The following MACROD1 variants were observed in gnomAD, a reference collection of about 807,000 sequenced individuals.
MACROD1 encodes mono-ADP ribosylhydrolase 1, also known as ADP-ribose glycohydrolase MACROD1.
In MACROD1, 31 loss-of-function variants were observed where a neutral mutation model predicts 41.4. The observed-to-expected ratio is 0.75, with a 90% CI of 0.56 to 1.01. MACROD1 has a LOEUF of 1.01. Among genes scored for constraint, MACROD1 ranks in the 50% least tolerant of loss-of-function variants. MACROD1 has a pLI of 0.00. For synonymous variants in MACROD1, 252 were observed against 203.4 expected (o/e 1.24, Z -2.03); for missense variants, 473 against 460.0 (o/e 1.03, Z -0.26).
chr11:64,084,425 C>A (rs541139206), intron 3 of MACROD1, among the ~76,000 whole-genome samples: 1 of 152,212 alleles, frequency 6.6e-6, no homozygotes, highest in African/African-American at 2.4e-5. Context: ...CGCGAAGCCC[C>A]CTCCCTGCAC....
At position 63,998,584 on chromosome 11, in the gene MACROD1, C is replaced by G. The variant is rs370973917; in HGVS notation, c.*134G>C. 20 of 1,259,378 alleles carry G rather than the reference C, an allele frequency of 1.6e-5. No individual in the cohort carries two copies. The African/African-American group carries it at 2.5e-4, about 16-fold the overall frequency. The allele number at this position is 1,259,378 out of a possible 1,614,324, so 78.0% of individuals were successfully genotyped here. ...GCCACAACGAGATCTTTATTAGGCT[C>G]CTCGGGGGCGGGGCGCGGAGGGAAA... On this transcript the variant is annotated 3_prime_UTR_variant, in exon 11 of 11. Coordinates refer to ENST00000255681, the MANE Select transcript of MACROD1 (RefSeq NM_014067.4).
intron 1 of MACROD1, among the ~76,000 whole-genome samples, chr11:64,155,016 C>T (rs1488709015): frequency 6.6e-6 from 1 of 152,192 alleles, no homozygotes; most frequent in Admixed American, 6.5e-5. Context: ...ACGGCGCCGG[C>T]CCCCTTTCTT....
intron 1 of MACROD1, among the ~76,000 whole-genome samples, chr11:64,154,144 G>A (rs565265864): frequency 2.0e-5 from 3 of 152,124 alleles, no homozygotes; most frequent in South Asian, 2.1e-4. Context: ...GATTCAAAAC[G>A]CTCTTTAAGC....
intron 3 of MACROD1, among the ~76,000 whole-genome samples, chr11:64,048,607 C>A (rs558565337): frequency 6.6e-6 from 1 of 152,182 alleles, no homozygotes; most frequent in East Asian, 1.9e-4. Context: ...GCAGCCCCAG[C>A]GGAATTCTTA....
At chr11:64,163,535 C>T (rs372212299) in intron 1 of MACROD1, among the ~76,000 whole-genome samples, 2 of 152,252 alleles carry the variant, frequency 1.3e-5, no homozygotes, top group South Asian at 2.1e-4. Context: ...GGGGGAAAAG[C>T]TTAGGACATC....
chr11:64,105,372 G>A (rs1452211978), intron 3 of MACROD1, among the ~76,000 whole-genome samples: 2 of 152,210 alleles, frequency 1.3e-5, no homozygotes, highest in Non-Finnish European at 2.9e-5. Context: ...CAGTGGCTCT[G>A]TGCAAAGGGA....
chr11:64,008,175 C>T (rs892798116), intron 4 of MACROD1, among the ~76,000 whole-genome samples: 1 of 151,932 alleles, frequency 6.6e-6, no homozygotes, highest in African/African-American at 2.4e-5. Flanking sequence ...AGAGAAAGAA[C>T]GACAGGAGAA....
chr11:64,130,785 A>T (rs1945254679), intron 3 of MACROD1, among the ~76,000 whole-genome samples: 1 of 152,158 alleles, frequency 6.6e-6, no homozygotes, highest in South Asian at 2.1e-4. Flanking sequence ...GCACCTCCAG[A>T]GGACCTTCTC....
chr11:64,074,376 A>G (rs1246093255), intron 3 of MACROD1, among the ~76,000 whole-genome samples: 1 of 152,122 alleles, frequency 6.6e-6, no homozygotes, highest in Non-Finnish European at 1.5e-5. Context: ...TCACCTCTGC[A>G]GTTTCTAATA....
At chr11:64,028,916 C>A (rs1451959745) in intron 3 of MACROD1, among the ~76,000 whole-genome samples, 2 of 152,166 alleles carry the variant, frequency 1.3e-5, no homozygotes, top group Non-Finnish European at 2.9e-5. Context: ...CCTGGAGCAC[C>A]TAGGCCAGCA....
chr11:64,101,700 C>T (rs1048560418), intron 3 of MACROD1, among the ~76,000 whole-genome samples: 6 of 152,214 alleles, frequency 3.9e-5, no homozygotes, highest in Non-Finnish European at 5.9e-5. Context: ...GCCGCCCTCC[C>T]GCCGCGTGCA....
chr11:64,123,138 G>A (rs557024513), intron 3 of MACROD1, among the ~76,000 whole-genome samples: 16 of 152,328 alleles, frequency 1.1e-4, no homozygotes, highest in South Asian at 4.1e-4. Context: ...GGGGCCGGGC[G>A]CAGGGACCTG....
chr11:64,034,336 G>A (rs1005603392), intron 3 of MACROD1, among the ~76,000 whole-genome samples: 1 of 152,230 alleles, frequency 6.6e-6, no homozygotes, highest in Non-Finnish European at 1.5e-5. Flanking sequence ...GCCACAGGGC[G>A]GTGGCATTGT....
intron 4 of MACROD1, among the ~76,000 whole-genome samples, chr11:64,006,471 G>A (rs566527473): frequency 3.3e-5 from 5 of 152,380 alleles, no homozygotes; most frequent in South Asian, 2.1e-4. Context: ...ATGGATGGAC[G>A]ACAGTTCTGT....
chr11:64,095,933 A>G (rs660070), intron 3 of MACROD1, among the ~76,000 whole-genome samples: 27,138 of 151,984 alleles, frequency 0.18, 2,953 homozygotes, highest in Non-Finnish European at 0.24. Flanking sequence ...GTTCTCTGAC[A>G]GCTCCTCGCT....
At chr11:64,012,054 T>G (rs931679812) in intron 4 of MACROD1, among the ~76,000 whole-genome samples, 3 of 152,170 alleles carry the variant, frequency 2.0e-5, no homozygotes, top group Admixed American at 2.0e-4. Flanking sequence ...CAGCAAGTGC[T>G]GGCGGCGGCT....
At chr11:64,132,627 C>T (rs1013318553) in intron 3 of MACROD1, among the ~76,000 whole-genome samples, 2 of 152,182 alleles carry the variant, frequency 1.3e-5, no homozygotes, top group East Asian at 1.9e-4. Flanking sequence ...ATTGAGCCCG[C>T]GGTCCTCAGG....
At chr11:64,088,485 T>C (rs540475169) in intron 3 of MACROD1, among the ~76,000 whole-genome samples, 1 of 152,260 alleles carries the variant, frequency 6.6e-6, no homozygotes, top group South Asian at 2.1e-4. Flanking sequence ...AGGAGCTGGC[T>C]GCCTAGCCTC....
rs376765568 is a variant in MACROD1, at chr11:63,998,970, G to C, written c.958C>G (p.His320Asp). ...DEDIYRSRLP[H>D]YFPVA ...GGGCACGTACCCACGGGGAAGTAGT[G>C]GGGGAGCCGGCTCCGGTAGATGTCC... The change falls in exon 9 of 11, where the codon CAC (histidine) becomes GAC (aspartate). Residue 320 changes from histidine to aspartate, a missense_variant. His to Asp is a moderately conservative substitution (Grantham distance 81, BLOSUM62 -1). Transcript: ENST00000255681. 1.2e-5 allele frequency: 19 copies of C among 1,605,594 alleles called. No individual in the cohort carries two copies. In the South Asian group the frequency reaches 1.2e-4, roughly 10 times the overall value.
Sources: gnomAD v4.1 joint callset for allele counts (sites outside exome capture counted in the v4.1 genomes callset) on GRCh38, gnomAD v4.1.1 for gene constraint, MANE v1.5 for transcripts, NCBI Gene and HGNC (gene_info 2026-07-23, HGNC 2026-07-21) for gene names.